The following HLCS variants were observed in gnomAD, a reference collection of about 807,000 sequenced individuals.
HLCS encodes holocarboxylase synthetase.
Under a neutral mutation model 75.0 loss-of-function variants are expected in HLCS, and 53 were observed. The ratio of observed to expected loss-of-function variants is 0.71; its 90% CI spans 0.57 to 0.89. The LOEUF (loss-of-function observed/expected upper bound fraction) is 0.89, where lower values mean the gene tolerates loss of function less well. Ranked by LOEUF, HLCS falls within the 40% of genes least tolerant of loss-of-function variation. The probability of loss-of-function intolerance (pLI) is 0.00; values close to 1 mark genes in which losing one functional copy is unlikely to be tolerated. For synonymous variants in HLCS, 431 were observed against 428.6 expected (o/e 1.01, Z -0.07); for missense variants, 966 against 1,074.0 (o/e 0.90, Z 1.41).
intron 6 of HLCS, among the ~76,000 whole-genome samples, chr21:36,831,051 G>C (rs2062191305): frequency 6.6e-6 from 1 of 152,062 alleles, no homozygotes; most frequent in Non-Finnish European, 1.5e-5. Context: ...TATTTCCTTT[G>C]ATGTTGTAGA....
intron 6 of HLCS, among the ~76,000 whole-genome samples, chr21:36,793,925 C>T (rs2060949819): frequency 6.6e-6 from 1 of 152,136 alleles, no homozygotes; most frequent in Non-Finnish European, 1.5e-5. Context: ...ATAGGGTTGT[C>T]AGGAGGATAT....
At chr21:36,784,523 C>T (rs1043954528) in intron 6 of HLCS, among the ~76,000 whole-genome samples, 8 of 152,048 alleles carry the variant, frequency 5.3e-5, no homozygotes, top group African/African-American at 1.7e-4. Flanking sequence ...GCCATGTTGG[C>T]CAGGCTGGTC....
chr21:36,956,444 GT>G (rs1261453224), intron 2 of HLCS, among the ~76,000 whole-genome samples: 1 of 152,196 alleles, frequency 6.6e-6, no homozygotes. Context: ...ATTTGAGTTT[GT>G]AGGCCAGGTG....
intron 6 of HLCS, among the ~76,000 whole-genome samples, chr21:36,769,590 C>A (rs1213212799): frequency 6.6e-6 from 1 of 152,216 alleles, no homozygotes; most frequent in Non-Finnish European, 1.5e-5. Flanking sequence ...TAAAAGCTTT[C>A]TGTGAGTGGC....
chr21:36,817,021 C>T (rs1489035181), intron 6 of HLCS, among the ~76,000 whole-genome samples: 2 of 152,222 alleles, frequency 1.3e-5, no homozygotes, highest in East Asian at 3.8e-4. Flanking sequence ...CCACGCCAAG[C>T]AACCCAGCCT....
In HLCS at chr21:36,754,152, G is replaced by C; in HGVS notation, c.*94C>G. Reference sequence around the variant, plus strand: ...GAAAAAGAACAAAGACTTAACAAATGAATTGGAGGAAAAGAAAATTCACCT... The same window carrying C: ...GAAAAAGAACAAAGACTTAACAAATCAATTGGAGGAAAAGAAAATTCACCT... On this transcript the variant is annotated 3_prime_UTR_variant, in exon 11 of 11. Coordinates refer to ENST00000674895, the MANE Select transcript of HLCS (RefSeq NM_001352514.2). The C allele has an allele frequency of 8.2e-7, 1 of 1,226,938 alleles. No homozygotes were observed. Among genetic ancestry groups the C allele is most frequent in the Non-Finnish European group, 1.2e-6 (1 of 852,014 alleles). The allele number at this position is 1,226,938 out of a possible 1,614,324, so 76.0% of individuals were successfully genotyped here.
chr21:36,902,605 T>C (rs1397806620), intron 5 of HLCS, among the ~76,000 whole-genome samples: 1 of 152,176 alleles, frequency 6.6e-6, no homozygotes, highest in African/African-American at 2.4e-5. Flanking sequence ...CATCTTATGA[T>C]TGCTTCTATG....
At chr21:36,809,550 T>C (rs1350636883) in intron 6 of HLCS, among the ~76,000 whole-genome samples, 1 of 152,190 alleles carries the variant, frequency 6.6e-6, no homozygotes, top group African/African-American at 2.4e-5. Context: ...TTTTCTCTTT[T>C]TCCTCTGTCA....
At chr21:36,773,261 G>C (rs1419024322) in intron 6 of HLCS, among the ~76,000 whole-genome samples, 2 of 152,214 alleles carry the variant, frequency 1.3e-5, no homozygotes, top group African/African-American at 4.8e-5. Context: ...GCACAGATTG[G>C]CAAAGAAAGG....
chr21:36,870,215 C>A (rs959312852), intron 6 of HLCS, among the ~76,000 whole-genome samples: 2 of 152,084 alleles, frequency 1.3e-5, no homozygotes, highest in Admixed American at 1.3e-4. Context: ...GACACACACC[C>A]AGCTACCCCT....
intron 6 of HLCS, among the ~76,000 whole-genome samples, chr21:36,879,313 A>G (rs776719250): frequency 6.6e-6 from 1 of 152,224 alleles, no homozygotes. Context: ...TCAAAAAGAA[A>G]TATGATTATT....
chr21:36,954,437 A>T (rs2067823693), intron 2 of HLCS, among the ~76,000 whole-genome samples: 1 of 151,068 alleles, frequency 6.6e-6, no homozygotes, highest in South Asian at 2.1e-4. Context: ...ACATGGTGAA[A>T]CCCTGTCTCT....
intron 5 of HLCS, among the ~76,000 whole-genome samples, chr21:36,929,589 A>G (rs776367846): frequency 3.7e-4 from 56 of 152,254 alleles, no homozygotes; most frequent in Non-Finnish European, 6.8e-4. Flanking sequence ...CTACATGGTT[A>G]TGTCATTCAA....
intron 1 of HLCS, among the ~76,000 whole-genome samples, chr21:36,973,177 C>T (rs1181440996): frequency 6.7e-6 from 1 of 149,682 alleles, no homozygotes; most frequent in African/African-American, 2.5e-5. Flanking sequence ...CTTCAGTGAG[C>T]TGTGATCGCA....
In HLCS at chr21:36,770,377, C is replaced by A. The variant is rs999944870; in HGVS notation, c.1893-3092G>T. Among the ~76,000 whole-genome samples, 25 of 151,920 alleles carry A rather than the reference C, an allele frequency of 1.6e-4. No individual in the cohort carries two copies. In the South Asian group the frequency reaches 1.9e-3, roughly 11 times the overall value. ...GGCCAGGCTGGTCTTGAACTCCTGG[C>A]CTCAAGCGATCCTCCTGCTTCAGCC... On this transcript the variant is annotated intron_variant, in intron 6 of 10. Coordinates refer to ENST00000674895, the MANE Select transcript of HLCS (RefSeq NM_001352514.2).
chr21:36,778,953 A>T (rs111610752), intron 6 of HLCS, among the ~76,000 whole-genome samples: 2,640 of 152,218 alleles, frequency 0.017, 37 homozygotes, highest in Non-Finnish European at 0.022. Context: ...GGAATCAGCG[A>T]TTTCTCCAAG....
Position 36,758,916 on chromosome 21 carries a change from G to A in HLCS, c.2236+811C>T, listed in dbSNP as rs140400325. On this transcript the variant is annotated intron_variant, in intron 9 of 10. Transcript: ENST00000674895. ...GGAGAATCACTTGAACCTGGGAGGC[G>A]GAGGCTGCAGTGAGCCGAGATTGCA... Among the ~76,000 whole-genome samples the A allele has an allele frequency of 1.0e-3, 158 of 152,034 alleles. 4 individuals are homozygous for A. In the East Asian group the frequency reaches 0.028, roughly 27 times the overall value.
At chr21:36,846,594 A>G (rs2062808253) in intron 6 of HLCS, among the ~76,000 whole-genome samples, 1 of 152,230 alleles carries the variant, frequency 6.6e-6, no homozygotes, top group African/African-American at 2.4e-5. Context: ...AAAAAATTCT[A>G]AAAGAAGAAT....
Position 36,796,264 on chromosome 21 carries a change from A to G in HLCS, c.1893-28979T>C, listed in dbSNP as rs1323908185. On this transcript the variant is annotated intron_variant, in intron 6 of 10. Coordinates refer to ENST00000674895, the MANE Select transcript of HLCS (RefSeq NM_001352514.2). ...TGTGTATTATAATCAGATATTGTTT[A>G]TCCTAGAAATGCAAGGATGGTTTAA... Among the ~76,000 whole-genome samples the G allele has an allele frequency of 4.6e-5, 7 of 152,254 alleles. No homozygotes were observed. The East Asian group carries it at 1.3e-3, about 29-fold the overall frequency.
Sources: allele counts gnomAD v4.1 joint callset (sites outside exome capture counted in the v4.1 genomes callset), GRCh38; gene constraint gnomAD v4.1.1; transcripts MANE v1.5; gene names NCBI Gene and HGNC (gene_info 2026-07-23, HGNC 2026-07-21).